The following PHTF2 variants were observed in gnomAD, a reference collection of about 807,000 sequenced individuals.
The protein encoded by PHTF2 is putative homeodomain transcription factor 2, also known as protein PHTF2.
In PHTF2, 60 loss-of-function variants were observed where a neutral mutation model predicts 101.2. That is an observed-to-expected ratio of 0.59 (90% CI 0.48 to 0.73). The LOEUF is 0.73. Among genes scored for constraint, PHTF2 ranks in the 30% least tolerant of loss-of-function variants. The probability of loss-of-function intolerance (pLI) is 0.00; values close to 1 mark genes in which losing one functional copy is unlikely to be tolerated. For missense variants in PHTF2, 747 were observed against 908.7 expected (o/e 0.82, Z 2.29); for synonymous variants, 311 against 307.3 (o/e 1.01, Z -0.13).
intron 1 of PHTF2, among the ~76,000 whole-genome samples, chr7:77,825,572 C>T (rs1794640946): frequency 6.6e-6 from 1 of 152,206 alleles, no homozygotes; most frequent in Non-Finnish European, 1.5e-5. Flanking sequence ...AAGGACACCT[C>T]AGCAATGCCT....
exon 2 of PHTF2, chr7:77,840,259 G>T: frequency 6.2e-7 from 1 of 1,607,660 alleles, no homozygotes; most frequent in Non-Finnish European, 8.5e-7. Context: ...GGAATAAATG[G>T]CGTCCAAAGT....
intron 11 of PHTF2, among the ~76,000 whole-genome samples, chr7:77,927,456 C>T (rs1305037175): frequency 6.6e-6 from 1 of 151,466 alleles, no homozygotes; most frequent in Non-Finnish European, 1.5e-5. Flanking sequence ...ATTAGCCAGT[C>T]GCAGTGGCAT....
In PHTF2 at chr7:77,954,841, TA is replaced by T. The variant is rs765890051; in HGVS notation, c.2338-16del. 6 of 1,425,882 alleles carry T rather than the reference TA, an allele frequency of 4.2e-6. No individual in the cohort carries two copies. The highest frequency in any genetic ancestry group is 5.8e-6 in the Non-Finnish European group (6 of 1,032,262). 88.3% of individuals were successfully genotyped at this position (1,425,882 alleles called of 1,614,324 possible). On this transcript the variant is annotated splice_polypyrimidine_tract_variant and intron_variant, in intron 19 of 19. Transcript: ENST00000416283. ...ATTAAAACTGGCTTGTCACCACTTC[TA>T]TTTTTTTTTTTCTAGCTATGGAAGA...
At chr7:77,944,545 G>T (rs1008969574) in intron 16 of PHTF2, among the ~76,000 whole-genome samples, 2 of 152,174 alleles carry the variant, frequency 1.3e-5, no homozygotes, top group Non-Finnish European at 2.9e-5. Flanking sequence ...TAGGCCCCTG[G>T]ATACCTGACA....
chr7:77,872,957 G>A (rs534385370), intron 3 of PHTF2, among the ~76,000 whole-genome samples: 2 of 151,560 alleles, frequency 1.3e-5, no homozygotes, highest in East Asian at 3.9e-4. Flanking sequence ...TGGAGACAGA[G>A]TCTTGCTCTG....
intron 17 of PHTF2, among the ~76,000 whole-genome samples, chr7:77,950,198 G>C (rs940703324): frequency 6.6e-6 from 1 of 152,022 alleles, no homozygotes; most frequent in African/African-American, 2.4e-5. Flanking sequence ...ATTTTATTTT[G>C]TATGAATTTG....
At chr7:77,868,036 A>G (rs753112071) in intron 3 of PHTF2, among the ~76,000 whole-genome samples, 3 of 152,182 alleles carry the variant, frequency 2.0e-5, no homozygotes, top group Non-Finnish European at 2.9e-5. Context: ...GTTAAGAAAC[A>G]TTTCCTTTTT....
intron 2 of PHTF2, among the ~76,000 whole-genome samples, chr7:77,851,653 G>A (rs2150626681): frequency 7.2e-6 from 1 of 139,442 alleles, no homozygotes; most frequent in Non-Finnish European, 1.5e-5. Context: ...GGCTGGTCTT[G>A]AACTACTGAG....
chr7:77,949,446 A>C (rs1051437311), intron 16 of PHTF2, among the ~76,000 whole-genome samples: 2 of 152,188 alleles, frequency 1.3e-5, no homozygotes, highest in African/African-American at 2.4e-5. Context: ...ATTATTTTTT[A>C]ATCTGAAAGA....
At chr7:77,843,472 C>T (rs553051462) in intron 2 of PHTF2, among the ~76,000 whole-genome samples, 102 of 152,102 alleles carry the variant, frequency 6.7e-4, no homozygotes, top group African/African-American at 2.3e-3. Context: ...TCATGTCTCC[C>T]GGCTGCCATC....
At chr7:77,895,723 G>T (rs1800817639) in intron 5 of PHTF2, among the ~76,000 whole-genome samples, 1 of 152,060 alleles carries the variant, frequency 6.6e-6, no homozygotes, top group African/African-American at 2.4e-5. Flanking sequence ...GTATGTTAGG[G>T]TGAGGAAGGA....
chr7:77,810,735 G>T (rs1289938245), intron 1 of PHTF2, among the ~76,000 whole-genome samples: 1 of 151,722 alleles, frequency 6.6e-6, no homozygotes, highest in Non-Finnish European at 1.5e-5. Flanking sequence ...ATGGGGTTTT[G>T]CCATATTAGC....
chr7:77,844,139 A>T (rs969791283), intron 2 of PHTF2, among the ~76,000 whole-genome samples: 2 of 152,122 alleles, frequency 1.3e-5, no homozygotes, highest in Admixed American at 1.3e-4. Context: ...CTGGAACTAC[A>T]GGCTCATGCC....
intron 3 of PHTF2, among the ~76,000 whole-genome samples, chr7:77,888,822 C>T (rs1049803650): frequency 1.3e-5 from 2 of 151,692 alleles, no homozygotes; most frequent in Admixed American, 1.3e-4. Flanking sequence ...TCTGCCAAGT[C>T]TCTCTGAGCA....
intron 17 of PHTF2, among the ~76,000 whole-genome samples, chr7:77,950,345 A>C (rs1806433505): frequency 6.6e-6 from 1 of 152,180 alleles, no homozygotes; most frequent in African/African-American, 2.4e-5. Flanking sequence ...GTAACCCACA[A>C]AGATAAAGAT....
intron 1 of PHTF2, among the ~76,000 whole-genome samples, chr7:77,811,112 G>T (rs1189778122): frequency 1.3e-5 from 2 of 151,854 alleles, no homozygotes; most frequent in African/African-American, 4.8e-5. Context: ...ATGTTGGCCA[G>T]GCTGGTCTCA....
Position 77,879,264 on chromosome 7 carries a change from T to C in PHTF2, c.148-14344T>C, listed in dbSNP as rs1038405448. Among the ~76,000 whole-genome samples, 7 of 152,316 alleles carry C rather than the reference T, an allele frequency of 4.6e-5. No individual in the cohort carries two copies. The East Asian group carries it at 1.2e-3, about 25-fold the overall frequency. On this transcript the variant is annotated intron_variant, in intron 3 of 19. Transcript: ENST00000416283. ...GATTCTACCGTAATCATAGTGTTAC[T>C]AGCATTGAGGGCTAATCTTTTTAAT...
intron 11 of PHTF2, among the ~76,000 whole-genome samples, chr7:77,928,689 A>G (rs898233990): frequency 2.6e-5 from 4 of 152,160 alleles, no homozygotes; most frequent in African/African-American, 9.7e-5. Flanking sequence ...GGAATATTGT[A>G]TTTTCTATCT....
At position 77,874,442 on chromosome 7, in the gene PHTF2, A is replaced by G. The variant is rs565709830; in HGVS notation, c.148-19166A>G. Among the ~76,000 whole-genome samples, 34 of 152,294 alleles carry G rather than the reference A, an allele frequency of 2.2e-4. 1 individual carries two copies. In the South Asian group the frequency reaches 6.8e-3, roughly 31 times the overall value. ...GTTTATTAAGTATTAACTCATGATTACAAGGTCTCACAATAGACCGTCTGC... is the reference window on the plus strand; with the variant it reads ...GTTTATTAAGTATTAACTCATGATTGCAAGGTCTCACAATAGACCGTCTGC... On this transcript the variant is annotated intron_variant, in intron 3 of 19. Transcript: ENST00000416283.
Sources: gnomAD v4.1 joint callset for allele counts (sites outside exome capture counted in the v4.1 genomes callset) on GRCh38, gnomAD v4.1.1 for gene constraint, MANE v1.5 for transcripts, NCBI Gene and HGNC (gene_info 2026-07-23, HGNC 2026-07-21) for gene names.